Variants in PTCHD4 observed in about 807,000 individuals in gnomAD.
The protein encoded by PTCHD4 is patched domain-containing protein 4.
A neutral mutation model predicts 58.1 loss-of-function variants in PTCHD4; 33 were observed. That is an observed-to-expected ratio of 0.57 (90% CI 0.43 to 0.76). The LOEUF (loss-of-function observed/expected upper bound fraction) is 0.76, where lower values mean the gene tolerates loss of function less well. PTCHD4 is among the 30% of genes least tolerant of loss of function. The pLI, the probability that PTCHD4 is intolerant of heterozygous loss-of-function variation, is 0.00. For synonymous variants in PTCHD4, 478 were observed against 409.6 expected, an observed-to-expected ratio of 1.17 and a Z score of -2.02; for missense variants, 1,058 against 1,027.1, an observed-to-expected ratio of 1.03 and a Z score of -0.41.
chr6:47,980,737 A>G (rs1364621508), intron 4 of PTCHD4, among the ~76,000 whole-genome samples: 2 of 151,936 alleles, frequency 1.3e-5, no homozygotes, highest in African/African-American at 4.8e-5. Context: ...AAAAGAATAT[A>G]ACTTTTTTTA....
intron 1 of PTCHD4, among the ~76,000 whole-genome samples, chr6:48,094,642 T>C (rs991681800): frequency 6.6e-6 from 1 of 152,110 alleles, no homozygotes; most frequent in African/African-American, 2.4e-5. Flanking sequence ...TGTGATTGAA[T>C]AAAGAAGATT....
intron 1 of PTCHD4, among the ~76,000 whole-genome samples, chr6:48,074,405 G>A (rs1582114158): frequency 6.6e-6 from 1 of 152,210 alleles, no homozygotes; most frequent in East Asian, 1.9e-4. Context: ...TTGCTCCACA[G>A]GCAACACACG....
At chr6:47,935,884 G>A (rs1283512220) in intron 4 of PTCHD4, among the ~76,000 whole-genome samples, 1 of 152,200 alleles carries the variant, frequency 6.6e-6, no homozygotes, top group Admixed American at 6.5e-5. Context: ...AGGCAGATAA[G>A]GAGGGTAGAG....
chr6:48,081,780 A>C (rs958916396), intron 1 of PTCHD4, among the ~76,000 whole-genome samples: 1 of 152,122 alleles, frequency 6.6e-6, no homozygotes, highest in Non-Finnish European at 1.5e-5. Context: ...GTGTGTGAAA[A>C]ATTTATGATA....
At chr6:48,095,744 A>AC (rs1336250774) in intron 1 of PTCHD4, among the ~76,000 whole-genome samples, 1 of 151,876 alleles carries the variant, frequency 6.6e-6, no homozygotes, top group African/African-American at 2.4e-5. Flanking sequence ...AAAAAAAAAA[A>AC]AAACAAATAT....
intron 3 of PTCHD4, among the ~76,000 whole-genome samples, chr6:48,021,261 C>A (rs937467670): frequency 2.2e-4 from 33 of 151,998 alleles, no homozygotes; most frequent in African/African-American, 7.7e-4. Context: ...TAGTATTTTA[C>A]CTCTAAAAGT....
intron 3 of PTCHD4, among the ~76,000 whole-genome samples, chr6:48,053,829 C>T (rs909902571): frequency 6.6e-6 from 1 of 152,020 alleles, no homozygotes; most frequent in Non-Finnish European, 1.5e-5. Flanking sequence ...TACAGAGCTC[C>T]CATGGGGGCA....
At chr6:48,061,657 C>T (rs1764629857) in intron 3 of PTCHD4, among the ~76,000 whole-genome samples, 1 of 152,170 alleles carries the variant, frequency 6.6e-6, no homozygotes, top group Non-Finnish European at 1.5e-5. Context: ...GGTGCTCATG[C>T]TGCTGGTCTA....
Position 47,872,186 on chromosome 6 carries a change from G to A in PTCHD4, c.*6117C>T, listed in dbSNP as rs192670512. On this transcript the variant is annotated 3_prime_UTR_variant, in exon 5 of 5. Transcript: ENST00000339488. ...TCCCCATAACATACTGTAGACTGCC[G>A]CTACTGAGAATATAAGTTAAATTTA... Among the ~76,000 whole-genome samples, 10 of 151,590 alleles carry A rather than the reference G, an allele frequency of 6.6e-5. No individual in the cohort carries two copies. Among genetic ancestry groups the A allele is most frequent in the Admixed American group, 5.3e-4 (8 of 15,178 alleles).
At chr6:47,919,683 T>C (rs941044331) in intron 4 of PTCHD4, among the ~76,000 whole-genome samples, 7 of 152,300 alleles carry the variant, frequency 4.6e-5, no homozygotes, top group African/African-American at 1.7e-4. Context: ...GCATTTTGTG[T>C]AATCCCAGAG....
chr6:47,874,697 C>A lies in PTCHD4; in HGVS notation c.*3606G>T, dbSNP rs1404297207. The stretch of plus-strand genomic sequence containing the variant: ...ACCTCACAAGGTAAAAACCTAAATT[C>A]TGTGGAAATAAATGGGAATCAAATA... On this transcript the variant is annotated 3_prime_UTR_variant, in exon 5 of 5. Coordinates refer to ENST00000339488, the MANE Select transcript of PTCHD4 (RefSeq NM_001384253.1). Among the ~76,000 whole-genome samples, 1 of 151,698 alleles carries A rather than the reference C, an allele frequency of 6.6e-6. No individual in the cohort carries two copies. Among genetic ancestry groups the A allele is most frequent in the Non-Finnish European group, 1.5e-5 (1 of 67,794 alleles).
At chr6:48,025,697 A>C (rs961198181) in intron 3 of PTCHD4, among the ~76,000 whole-genome samples, 5 of 152,214 alleles carry the variant, frequency 3.3e-5, no homozygotes, top group African/African-American at 1.2e-4. Context: ...AATTTGTTAC[A>C]TAAGCAGGTA....
At chr6:48,061,156 T>C (rs2113868865) in intron 3 of PTCHD4, among the ~76,000 whole-genome samples, 1 of 152,372 alleles carries the variant, frequency 6.6e-6, no homozygotes, top group South Asian at 2.1e-4. Context: ...TAAGGTTTAA[T>C]GCTGCCACTA....
At chr6:47,901,799 G>A (rs1764714538) in intron 4 of PTCHD4, 12 of 1,251,870 alleles carry the variant, frequency 9.6e-6, no homozygotes, top group Non-Finnish European at 1.1e-5. Context: ...TGATTTTATT[G>A]TATCCTAGGA....
intron 4 of PTCHD4, among the ~76,000 whole-genome samples, chr6:47,923,208 A>G (rs1386948667): frequency 1.3e-5 from 2 of 152,232 alleles, no homozygotes; most frequent in Non-Finnish European, 2.9e-5. Flanking sequence ...AATTCAAAGT[A>G]TAAAAGAGAA....
At chr6:47,890,385 C>T (rs1169480722) in intron 4 of PTCHD4, among the ~76,000 whole-genome samples, 3 of 152,030 alleles carry the variant, frequency 2.0e-5, no homozygotes, top group Non-Finnish European at 4.4e-5. Flanking sequence ...CAAATTCCCC[C>T]AGAACAGACT....
At position 47,896,112 on chromosome 6, in the gene PTCHD4, A is replaced by T. The variant is rs7776334; in HGVS notation, c.899-16176T>A. Among the ~76,000 whole-genome samples the T allele has an allele frequency of 3.8e-3, 572 of 152,356 alleles. 3 individuals carry two copies. Among genetic ancestry groups the T allele is most frequent in the African/African-American group, 0.013 (539 of 41,590 alleles). ...GAAGTAGATGATAACCCCTGTGATCATCTCTTAACTACAGTTAAGGAAGAT... is the reference window on the plus strand; with the variant it reads ...GAAGTAGATGATAACCCCTGTGATCTTCTCTTAACTACAGTTAAGGAAGAT... On this transcript the variant is annotated intron_variant, in intron 4 of 4. Coordinates refer to ENST00000339488, the MANE Select transcript of PTCHD4 (RefSeq NM_001384253.1).
chr6:48,022,076 C>G (rs1431535497), intron 3 of PTCHD4, among the ~76,000 whole-genome samples: 1 of 151,970 alleles, frequency 6.6e-6, no homozygotes, highest in African/African-American at 2.4e-5. Context: ...AAGTGACACC[C>G]TTGTATCTTT....
intron 4 of PTCHD4, among the ~76,000 whole-genome samples, chr6:47,952,915 A>G (rs1325549128): frequency 6.6e-6 from 1 of 151,096 alleles, no homozygotes; most frequent in East Asian, 1.9e-4. Context: ...ACATACACAT[A>G]GAGTAGAAAA....
Sources: allele counts gnomAD v4.1 joint callset (sites outside exome capture counted in the v4.1 genomes callset), GRCh38; gene constraint gnomAD v4.1.1; transcripts MANE v1.5; gene names NCBI Gene and HGNC (gene_info 2026-07-23, HGNC 2026-07-21).